The following PROCR variants were observed in gnomAD, a reference collection of about 807,000 sequenced individuals.
PROCR encodes endothelial protein C receptor.
In PROCR, 22 loss-of-function variants were observed where a neutral mutation model predicts 24.2. The ratio of observed to expected loss-of-function variants is 0.91; its 90% CI spans 0.65 to 1.30. The LOEUF (loss-of-function observed/expected upper bound fraction) is 1.30, where lower values mean the gene tolerates loss of function less well. Ranked by LOEUF, PROCR falls within the 50% of genes most tolerant of loss-of-function variation. PROCR has a pLI of 0.00. For missense variants in PROCR, 288 were observed against 307.7 expected (o/e 0.94, Z 0.48); for synonymous variants, 137 against 139.2 (o/e 0.98, Z 0.11).
At chr20:35,204,679 A>G (rs114042211) in intron 1 of PROCR, among the ~76,000 whole-genome samples, 1,549 of 151,988 alleles carry the variant, frequency 0.01, 36 homozygotes, top group African/African-American at 0.036. Context: ...CTGGCCCCCA[A>G]ATGGTTTCAC....
At chr20:35,203,320 C>A (rs1306273565) in intron 1 of PROCR, 1 of 152,126 alleles carries the variant, frequency 6.6e-6, no homozygotes, top group East Asian at 1.9e-4. Flanking sequence ...CATGGCAAAA[C>A]CCTGTCTCTA....
intron 1 of PROCR, among the ~76,000 whole-genome samples, chr20:35,198,566 G>A (rs2060307100): frequency 6.6e-6 from 1 of 152,172 alleles, no homozygotes; most frequent in Non-Finnish European, 1.5e-5. Flanking sequence ...GAACATAAAA[G>A]TACAAGGTGA....
At chr20:35,185,395 C>T (rs961962193) in intron 1 of PROCR, among the ~76,000 whole-genome samples, 3 of 152,048 alleles carry the variant, frequency 2.0e-5, no homozygotes, top group Admixed American at 6.6e-5. Context: ...GTATCTACCC[C>T]GAGGAAAAGA....
chr20:35,187,743 T>C (rs2086140360), intron 1 of PROCR, among the ~76,000 whole-genome samples: 1 of 152,218 alleles, frequency 6.6e-6, no homozygotes, highest in Admixed American at 6.5e-5. Flanking sequence ...TACATGTTCA[T>C]AGCTACATGA....
At chr20:35,189,574 C>G (rs1452247935) in intron 1 of PROCR, among the ~76,000 whole-genome samples, 1 of 152,148 alleles carries the variant, frequency 6.6e-6, no homozygotes. Flanking sequence ...CTCTGTGACC[C>G]ACACCCTATT....
chr20:35,192,763 C>T (rs1452113459), intron 1 of PROCR, among the ~76,000 whole-genome samples: 1 of 152,088 alleles, frequency 6.6e-6, no homozygotes, highest in Non-Finnish European at 1.5e-5. Flanking sequence ...CCTTGAAATG[C>T]ACGAGGCTAG....
chr20:35,173,041 G>A (rs2085965498), intron 1 of PROCR, among the ~76,000 whole-genome samples: 1 of 152,116 alleles, frequency 6.6e-6, no homozygotes, highest in Admixed American at 6.6e-5. Context: ...CATGTCTAGG[G>A]TTATCCATAA....
rs1165292502 is a variant in PROCR at position 35,172,087 on chromosome 20, A to G, written c.-68A>G. 2.1e-5 allele frequency: 31 copies of G among 1,485,244 alleles called. No homozygotes were observed. The highest frequency in any genetic ancestry group is 2.9e-5 in the Non-Finnish European group (31 of 1,063,306). The allele number at this position is 1,485,244 out of a possible 1,614,324, so 92.0% of individuals were successfully genotyped here. A position where few individuals can be genotyped will look rare whatever the true frequency, so the allele number is the denominator to read the frequency against. On this transcript the variant is annotated 5_prime_UTR_variant, in exon 1 of 4. Transcript: ENST00000216968. ...GACGGTCCTCACTTCTCTTTTCCCTAGACTGCAGCCAGCGGAGCCCGCAGC... is the reference window on the plus strand; with the variant it reads ...GACGGTCCTCACTTCTCTTTTCCCTGGACTGCAGCCAGCGGAGCCCGCAGC...
Position 35,174,792 on chromosome 20 carries a change from T to G in PROCR, c.161T>G (p.Leu54Arg). The G allele has an allele frequency of 6.2e-7, 1 of 1,614,018 alleles. No individual in the cohort carries two copies. ...GGCAACGCGTCGCTGGGGGGACACC[T>G]AACGCACGTGCTGGAAGGCCCAGAC... ...YQGNASLGGHLTHVLEGPDTN... is the reference protein window; with the variant it reads ...YQGNASLGGHRTHVLEGPDTN... The change falls in exon 2 of 4, where the codon CTA (leucine) becomes CGA (arginine). Residue 54 changes from leucine to arginine, a missense_variant. By Grantham distance (102) the Leu-to-Arg change is moderately radical. Coordinates refer to ENST00000216968, the MANE Select transcript of PROCR (RefSeq NM_006404.5).
chr20:35,213,043 T>G (rs2060367987), intron 1 of PROCR, among the ~76,000 whole-genome samples: 1 of 152,180 alleles, frequency 6.6e-6, no homozygotes, highest in Non-Finnish European at 1.5e-5. Flanking sequence ...TATAGGAGTC[T>G]GTTCAGGCCA....
downstream of PROCR, among the ~76,000 whole-genome samples, chr20:35,179,465 G>A (rs1339638642): frequency 6.6e-6 from 1 of 151,714 alleles, no homozygotes; most frequent in Admixed American, 6.6e-5. Flanking sequence ...AGGATTGCTT[G>A]AGCCCAGAAG....
At chr20:35,174,524 C>A in intron 1 of PROCR, 178 bp from the exon 2 acceptor site, 1 of 772,038 alleles carries the variant, frequency 1.3e-6, no homozygotes, top group Non-Finnish European at 2.2e-6. Context: ...TAATCCCTGT[C>A]CTGTCCTCCT....
At chr20:35,186,209 A>G (rs1305849446) in intron 1 of PROCR, among the ~76,000 whole-genome samples, 1 of 152,224 alleles carries the variant, frequency 6.6e-6, no homozygotes, top group African/African-American at 2.4e-5. Flanking sequence ...TTTTAATACA[A>G]TGGAATATTA....
intron 2 of PROCR, among the ~76,000 whole-genome samples, 166 bp from the exon 3 acceptor site, chr20:35,176,002 C>T (rs922700319): frequency 9.9e-5 from 15 of 152,058 alleles, no homozygotes; most frequent in African/African-American, 3.6e-4. Context: ...ACCCCAAACC[C>T]CTCCTCACAG....
intron 1 of PROCR, among the ~76,000 whole-genome samples, chr20:35,210,499 GT>G (rs2060358283): frequency 6.6e-6 from 1 of 151,230 alleles, no homozygotes; most frequent in Admixed American, 6.6e-5. Context: ...GTAAGCTACG[GT>G]TGCGCCACTG....
downstream of PROCR, among the ~76,000 whole-genome samples, chr20:35,178,507 G>GTTTTTTTTTTTTT (rs1203789471): frequency 4.7e-4 from 16 of 34,372 alleles, 3 homozygotes; most frequent in African/African-American, 2.2e-3. Flanking sequence ...TCAAGTCTCA[G>GTTTTTTTTTTTTT]TTTTTTTTTT....
At chr20:35,206,238 G>T (rs1477677579) in intron 1 of PROCR, among the ~76,000 whole-genome samples, 1 of 151,468 alleles carries the variant, frequency 6.6e-6, no homozygotes, top group Non-Finnish European at 1.5e-5. Context: ...ACTTTGGGAG[G>T]CTGAGGCAGG....
intron 1 of PROCR, among the ~76,000 whole-genome samples, chr20:35,213,240 T>C (rs148287326): frequency 6.3e-4 from 96 of 152,016 alleles, no homozygotes; most frequent in Non-Finnish European, 1.1e-3. Context: ...GGCTGAGACA[T>C]GAGAATCGCT....
At chr20:35,204,736 C>T (rs1335198454) in intron 1 of PROCR, among the ~76,000 whole-genome samples, 3 of 151,286 alleles carry the variant, frequency 2.0e-5, no homozygotes, top group Non-Finnish European at 4.4e-5. Flanking sequence ...ATCAATTCCA[C>T]ACAAACTCTT....
Sources: gnomAD v4.1 joint callset for allele counts (sites outside exome capture counted in the v4.1 genomes callset) on GRCh38, gnomAD v4.1.1 for gene constraint, MANE v1.5 for transcripts, NCBI Gene and HGNC (gene_info 2026-07-23, HGNC 2026-07-21) for gene names.